ATXN10: variants seen among roughly 807,000 people sequenced by gnomAD.
ATXN10 encodes the protein ataxin-10.
ATXN10 carries 28 observed loss-of-function variants against 52.9 expected under a neutral mutation model. The ratio of observed to expected loss-of-function variants is 0.53; its 90% CI spans 0.39 to 0.73. The LOEUF is 0.73. Among genes scored for constraint, ATXN10 ranks in the 30% least tolerant of loss-of-function variants. The probability of loss-of-function intolerance (pLI) is 0.00; values close to 1 mark genes in which losing one functional copy is unlikely to be tolerated. For synonymous variants in ATXN10, 226 were observed against 221.5 expected (o/e 1.02, Z -0.18); for missense variants, 565 against 577.0 (o/e 0.98, Z 0.21).
intron 7 of ATXN10, among the ~76,000 whole-genome samples, chr22:45,735,381 A>C (rs1009767695): frequency 1.3e-5 from 2 of 151,152 alleles, no homozygotes; most frequent in East Asian, 2.0e-4. Context: ...ATATTCTCCA[A>C]CTCCTGGGCT....
In ATXN10 at chr22:45,826,267, A is replaced by T. The variant is rs1402439726; in HGVS notation, c.1238-16724A>T. ...ATATTAAGTCCAACAAGCAGAAAGA[A>T]AAAAGGTTGTAGAAAAGTGAACAGA... On this transcript the variant is annotated intron_variant, in intron 10 of 11. Coordinates refer to ENST00000252934, the MANE Select transcript of ATXN10 (RefSeq NM_013236.4). The surrounding 1 kb of genome is among the most constrained non-coding windows in gnomAD (Gnocchi z 5.0). Among the ~76,000 whole-genome samples, 2 of 152,188 alleles carry T rather than the reference A, an allele frequency of 1.3e-5. No homozygotes were observed.
rs1040295284 is a variant in ATXN10, at chr22:45,733,727, G to A, written c.894+4137G>A. On this transcript the variant is annotated intron_variant, in intron 7 of 11. Transcript: ENST00000252934. The surrounding 1 kb of genome is among the most constrained non-coding windows in gnomAD (Gnocchi z 4.4). The stretch of plus-strand genomic sequence containing the variant: ...ACTGAGATTGTGCCATTGCACTTCA[G>A]CCTGGGCGACAGAGCAAGACTCCCA... Among the ~76,000 whole-genome samples, 8 of 151,310 alleles carry A rather than the reference G, an allele frequency of 5.3e-5. No individual in the cohort carries two copies. The highest frequency in any genetic ancestry group is 5.3e-4 in the Admixed American group (8 of 15,190).
chr22:45,794,497 A>G (rs190583434), intron 9 of ATXN10, among the ~76,000 whole-genome samples: 105 of 150,244 alleles, frequency 7.0e-4, no homozygotes, highest in African/African-American at 2.4e-3. Context: ...TCTTTCTGGA[A>G]TTTTCCATTC....
intron 10 of ATXN10, among the ~76,000 whole-genome samples, chr22:45,827,209 AC>A (rs1440469193): frequency 6.6e-6 from 1 of 152,076 alleles, no homozygotes; most frequent in African/African-American, 2.4e-5. Context: ...TGAAAAAGGA[AC>A]TTAAACATTT....
rs546609193 is a variant in ATXN10, at chr22:45,772,507, G to A, written c.1173+31969G>A. 5.3e-5 allele frequency among the ~76,000 whole-genome samples: 8 copies of A among 152,314 alleles called. No individual in the cohort carries two copies. The South Asian group carries it at 1.5e-3, about 28-fold the overall frequency. On this transcript the variant is annotated intron_variant, in intron 9 of 11. Transcript: ENST00000252934. The surrounding 1 kb of genome is among the most constrained non-coding windows in gnomAD (Gnocchi z 4.1). ...ACAGTAAATCTTAAAATTGGGTAGTGTGATTCATCCAACTTTATTTTAGTG... is the reference window on the plus strand; with the variant it reads ...ACAGTAAATCTTAAAATTGGGTAGTATGATTCATCCAACTTTATTTTAGTG...
rs1409063307 is a variant in ATXN10, at chr22:45,705,220, T to C, written c.647+2373T>C. ...TAAGGCATATTGGTTTGTAGCTTTT[T>C]TTTCTTTTTGTGATTTCTTTTTCTG... On this transcript the variant is annotated intron_variant, in intron 5 of 11. Transcript: ENST00000252934. The surrounding 1 kb of genome is among the most constrained non-coding windows in gnomAD (Gnocchi z 5.2). 6.6e-6 allele frequency among the ~76,000 whole-genome samples: 1 copy of C among 152,180 alleles called. No individual in the cohort carries two copies. The highest frequency in any genetic ancestry group is 1.5e-5 in the Non-Finnish European group (1 of 68,022).
rs1923254254 is a variant in ATXN10, at chr22:45,688,873, G to T, written c.117-839G>T. On this transcript the variant is annotated intron_variant, in intron 1 of 11. Coordinates refer to ENST00000252934, the MANE Select transcript of ATXN10 (RefSeq NM_013236.4). The surrounding 1 kb of genome is among the most constrained non-coding windows in gnomAD (Gnocchi z 4.0). ...TTTGCTGTTTCTTTAGGGGATTTAT[G>T]GAATGAGGAAGTTGGCTTGCATTTA... 6.6e-6 allele frequency among the ~76,000 whole-genome samples: 1 copy of T among 152,190 alleles called. No individual in the cohort carries two copies. Among genetic ancestry groups the T allele is most frequent in the African/African-American group, 2.4e-5 (1 of 41,430 alleles).
At chr22:45,827,823 C>T (rs1158372544) in intron 10 of ATXN10, among the ~76,000 whole-genome samples, 1 of 152,194 alleles carries the variant, frequency 6.6e-6, no homozygotes, top group African/African-American at 2.4e-5. Flanking sequence ...AGAGCATATA[C>T]ATTCTTCTCA....
chr22:45,704,666 G>A (rs958054487), intron 5 of ATXN10, among the ~76,000 whole-genome samples: 6 of 152,120 alleles, frequency 3.9e-5, no homozygotes, highest in Non-Finnish European at 7.4e-5. Flanking sequence ...AGTTTTAGTA[G>A]ATTTTTTTGT....
chr22:45,760,734 G>C (rs1342932645), intron 9 of ATXN10: 2 of 153,174 alleles, frequency 1.3e-5, no homozygotes, highest in Non-Finnish European at 2.9e-5. Flanking sequence ...CTGAGGGCCA[G>C]AATGGTTCAG....
chr22:45,702,392 A>G (rs1923874510), intron 4 of ATXN10, among the ~76,000 whole-genome samples: 1 of 152,176 alleles, frequency 6.6e-6, no homozygotes, highest in Non-Finnish European at 1.5e-5. Flanking sequence ...ACAAGAATGA[A>G]CATTTTAATG....
chr22:45,765,928 C>A (rs1032539573), intron 9 of ATXN10, among the ~76,000 whole-genome samples: 58 of 152,010 alleles, frequency 3.8e-4, no homozygotes, highest in African/African-American at 1.3e-3. Context: ...CCAGGAAATT[C>A]CCTGAAAAAG....
rs765797372 is a variant in ATXN10 at position 45,689,786 on chromosome 22, C to A, written c.191C>A (p.Ala64Asp). Reference protein sequence around the residue: ...LKKSSHAVELACRDPSQVENL... With the variant: ...LKKSSHAVELDCRDPSQVENL... The stretch of plus-strand genomic sequence containing the variant: ...AAATCTTCTCATGCTGTTGAGCTTG[C>A]CTGCAGAGATCCATCCCAAGTGGAA... Residue 64 changes from alanine (A) to aspartate (D), a missense_variant, in exon 2 of 12, where the codon GCC becomes GAC. Coordinates refer to ENST00000252934, the MANE Select transcript of ATXN10 (RefSeq NM_013236.4). 6.2e-7 allele frequency: 1 copy of A among 1,614,136 alleles called. No homozygotes were observed. The highest frequency in any genetic ancestry group is 8.5e-7 in the Non-Finnish European group (1 of 1,179,996).
chr22:45,739,679 A>G (rs543103434), intron 8 of ATXN10, among the ~76,000 whole-genome samples: 4 of 152,346 alleles, frequency 2.6e-5, no homozygotes, highest in Admixed American at 1.3e-4. Flanking sequence ...CCAGGTGCCA[A>G]CTTTTCTGAG....
In ATXN10 at chr22:45,818,880, G is replaced by A. The variant is rs561366241; in HGVS notation, c.1237+11858G>A. ...GACCTGCTCCTTAGAGCCAAGCCCC[G>A]TGACTGATGCAGGCTGATGGCAGCA... On this transcript the variant is annotated intron_variant, in intron 10 of 11. Coordinates refer to ENST00000252934, the MANE Select transcript of ATXN10 (RefSeq NM_013236.4). The surrounding 1 kb of genome is among the most constrained non-coding windows in gnomAD (Gnocchi z 4.6). Among the ~76,000 whole-genome samples the A allele has an allele frequency of 4.6e-5, 7 of 152,260 alleles. No individual in the cohort carries two copies. The highest frequency in any genetic ancestry group is 2.1e-4 in the South Asian group (1 of 4,818).
rs1924522198 is a variant in ATXN10, at chr22:45,718,341, A to G, written c.648-72A>G. 5 of 1,125,994 alleles carry G rather than the reference A, an allele frequency of 4.4e-6. No individual in the cohort carries two copies. Among genetic ancestry groups the G allele is most frequent in the East Asian group, 2.3e-5 (1 of 42,596 alleles). The allele number at this position is 1,125,994 out of a possible 1,614,324, so 69.8% of individuals were successfully genotyped here. A position where few individuals can be genotyped will look rare whatever the true frequency, so the allele number is the denominator to read the frequency against. ...ATGCTTTTGTGTGTAAGTGGTGCCT[A>G]TAAAGTAGATAAGGGCATGTCTCTT... On this transcript the variant is annotated intron_variant, in intron 5 of 11. Transcript: ENST00000252934. This position sits in a 1 kb window ranked among gnomAD's most constrained non-coding sequence, Gnocchi z 4.4.
intron 9 of ATXN10, among the ~76,000 whole-genome samples, chr22:45,798,672 C>G (rs1321081355): frequency 3.3e-5 from 5 of 152,178 alleles, no homozygotes; most frequent in African/African-American, 1.2e-4. Context: ...AGGTCCAGAG[C>G]AACTCACTAA....
At chr22:45,725,709 G>A (rs978074067) in intron 6 of ATXN10, among the ~76,000 whole-genome samples, 2 of 152,118 alleles carry the variant, frequency 1.3e-5, no homozygotes, top group Non-Finnish European at 2.9e-5. Flanking sequence ...ATACTGAATA[G>A]AAGTGGTGAA....
intron 7 of ATXN10, 40 bp downstream of exon 7, chr22:45,729,630 T>C: frequency 6.2e-7 from 1 of 1,609,248 alleles, no homozygotes; most frequent in Non-Finnish European, 8.5e-7. Context: ...TAAAAGAGAA[T>C]GGACAGATTT....
Sources: allele counts gnomAD v4.1 joint callset (sites outside exome capture counted in the v4.1 genomes callset), GRCh38; gene constraint gnomAD v4.1.1; non-coding constraint Gnocchi (gnomAD v3.1); transcripts MANE v1.5; gene names NCBI Gene and HGNC (gene_info 2026-07-23, HGNC 2026-07-21).